Variants in MAGI2 observed in about 807,000 individuals in gnomAD.
MAGI2 encodes the protein membrane associated guanylate kinase, WW and PDZ domain containing 2.
A neutral mutation model predicts 133.3 loss-of-function variants in MAGI2; 35 were observed. That is an observed-to-expected ratio of 0.26 (90% CI 0.20 to 0.35). The LOEUF (loss-of-function observed/expected upper bound fraction) is 0.35, where lower values mean the gene tolerates loss of function less well. Among genes scored for constraint, MAGI2 ranks in the 10% least tolerant of loss-of-function variants. MAGI2 has a pLI of 1.00. For missense variants in MAGI2, 1,636 were observed against 1,863.4 expected (o/e 0.88, Z 2.25); for synonymous variants, 729 against 710.6 (o/e 1.03, Z -0.41).
In MAGI2 at chr7:78,044,678, C is replaced by CGTGTGTGTGT. The variant is rs58076536; in HGVS notation, c.3707-24712_3707-24703dup. Among the ~76,000 whole-genome samples, 839 of 126,462 alleles carry CGTGTGTGTGT rather than the reference C, an allele frequency of 6.6e-3. 7 individuals carry two copies. Among genetic ancestry groups the CGTGTGTGTGT allele is most frequent in the Middle Eastern group, 0.048 (12 of 252 alleles). 83.0% of individuals were successfully genotyped at this position (126,462 alleles called of 152,430 possible). A position where few individuals can be genotyped will look rare whatever the true frequency, so the allele number is the denominator to read the frequency against. On this transcript the variant is annotated intron_variant, in intron 21 of 21. Transcript: ENST00000354212. ...TCAGTGCCTTGTGAGGCTAATGTAC[C>CGTGTGTGTGT]GTGTGTGTGTGTGTGTGTGTGTGTG...
intron 1 of MAGI2, among the ~76,000 whole-genome samples, chr7:79,090,951 G>C (rs1315135257): frequency 6.6e-6 from 1 of 151,356 alleles, no homozygotes; most frequent in Non-Finnish European, 1.5e-5. Context: ...CACCTAGTTT[G>C]TCTTCTTACT....
intron 6 of MAGI2, among the ~76,000 whole-genome samples, chr7:78,477,138 T>A (rs11764471): frequency 6.6e-6 from 1 of 151,660 alleles, no homozygotes; most frequent in East Asian, 2.0e-4. Flanking sequence ...TTCAGATCAG[T>A]GCTTCACCTT....
intron 6 of MAGI2, among the ~76,000 whole-genome samples, chr7:78,407,600 A>G (rs562958196): frequency 2.6e-5 from 4 of 152,110 alleles, no homozygotes; most frequent in African/African-American, 9.6e-5. Context: ...TTACCAACAA[A>G]TGGGTTTGGG....
intron 2 of MAGI2, chr7:78,902,412 A>G (rs1320936833): frequency 6.6e-6 from 1 of 152,218 alleles, no homozygotes; most frequent in African/African-American, 2.4e-5. Context: ...TTGCTTTCAA[A>G]CCAAACCATA....
chr7:79,337,450 G>T (rs1179539362), intron 1 of MAGI2, among the ~76,000 whole-genome samples: 1 of 152,156 alleles, frequency 6.6e-6, no homozygotes, highest in African/African-American at 2.4e-5. Flanking sequence ...CACTTTATAT[G>T]AAGATAAAGA....
chr7:78,626,492 G>A (rs1283972629), intron 3 of MAGI2, among the ~76,000 whole-genome samples: 1 of 152,052 alleles, frequency 6.6e-6, no homozygotes, highest in Non-Finnish European at 1.5e-5. Flanking sequence ...AGAGATTTTG[G>A]CTTATGTTTC....
chr7:78,503,170 C>T (rs1427462682), intron 4 of MAGI2, among the ~76,000 whole-genome samples: 1 of 152,068 alleles, frequency 6.6e-6, no homozygotes, highest in South Asian at 2.1e-4. Flanking sequence ...AATCCAAGAA[C>T]TTAACTCTAC....
chr7:78,593,503 C>T (rs1452721466), intron 3 of MAGI2, among the ~76,000 whole-genome samples: 2 of 152,110 alleles, frequency 1.3e-5, no homozygotes, highest in South Asian at 2.1e-4. Context: ...GAAGATGAGA[C>T]GGAAGGCAGG....
At chr7:78,061,022 T>G (rs898223794) in intron 21 of MAGI2, among the ~76,000 whole-genome samples, 1 of 151,542 alleles carries the variant, frequency 6.6e-6, no homozygotes, top group Admixed American at 6.6e-5. Flanking sequence ...AAAAAGTAGC[T>G]GGGGGCGGTG....
At chr7:78,244,167 T>TA (rs535442682) in intron 10 of MAGI2, among the ~76,000 whole-genome samples, 1,296 of 68,800 alleles carry the variant, frequency 0.019, 31 homozygotes, top group African/African-American at 0.028. Context: ...CTATTTAAAT[T>TA]AAAAAAAAAA....
chr7:79,239,087 C>T (rs1441573822), intron 1 of MAGI2, among the ~76,000 whole-genome samples: 1 of 152,108 alleles, frequency 6.6e-6, no homozygotes, highest in Non-Finnish European at 1.5e-5. Flanking sequence ...CAGCTATGCA[C>T]TTGCACACCA....
intron 1 of MAGI2, among the ~76,000 whole-genome samples, chr7:79,114,907 T>A (rs1340772842): frequency 6.6e-6 from 1 of 152,146 alleles, no homozygotes; most frequent in Non-Finnish European, 1.5e-5. Flanking sequence ...AGCTACTTGG[T>A]CTAAATTGTT....
At chr7:78,298,809 CGTTT>C (rs1562781370) in intron 9 of MAGI2, among the ~76,000 whole-genome samples, 2 of 123,110 alleles carry the variant, frequency 1.6e-5, no homozygotes, top group African/African-American at 3.2e-5. Context: ...CTGGCCTAAA[CGTTT>C]TTTTTTTTTT....
chr7:78,047,484 C>A (rs1239072646), intron 21 of MAGI2, among the ~76,000 whole-genome samples: 1 of 152,174 alleles, frequency 6.6e-6, no homozygotes, highest in Non-Finnish European at 1.5e-5. Flanking sequence ...TCTTCTTACA[C>A]CCCCACATCT....
At chr7:78,923,375 G>A (rs1799416902) in intron 2 of MAGI2, among the ~76,000 whole-genome samples, 1 of 152,148 alleles carries the variant, frequency 6.6e-6, no homozygotes, top group Non-Finnish European at 1.5e-5. Flanking sequence ...TTTGTATAAG[G>A]TGTAAGGAAG....
chr7:78,858,715 G>T (rs1793879255), intron 2 of MAGI2, among the ~76,000 whole-genome samples: 1 of 152,166 alleles, frequency 6.6e-6, no homozygotes, highest in Admixed American at 6.5e-5. Flanking sequence ...GTACTAAGAA[G>T]AATGTATATT....
chr7:78,047,783 C>T (rs3779332), intron 21 of MAGI2, among the ~76,000 whole-genome samples: 16,078 of 152,212 alleles, frequency 0.11, 972 homozygotes, highest in East Asian at 0.16. Flanking sequence ...CCCACCGTCT[C>T]TTGGGAAGAC....
At chr7:78,375,048 G>A (rs1464763415) in intron 6 of MAGI2, among the ~76,000 whole-genome samples, 2 of 151,642 alleles carry the variant, frequency 1.3e-5, no homozygotes, top group African/African-American at 4.8e-5. Flanking sequence ...GCACCATGTT[G>A]GCAAGGCTGG....
chr7:78,738,342 T>TTTTAAGAC (rs1387649726), intron 2 of MAGI2, among the ~76,000 whole-genome samples: 2 of 151,870 alleles, frequency 1.3e-5, no homozygotes, highest in Admixed American at 1.3e-4. Flanking sequence ...TGATGTAATA[T>TTTTAAGAC]TTTAAGACTT....
Sources: allele counts gnomAD v4.1 joint callset (sites outside exome capture counted in the v4.1 genomes callset), GRCh38; gene constraint gnomAD v4.1.1; transcripts MANE v1.5; gene names NCBI Gene and HGNC (gene_info 2026-07-23, HGNC 2026-07-21).